Variants in TNFRSF10B observed in about 807,000 individuals in gnomAD.
TNFRSF10B encodes tumor necrosis factor receptor superfamily member 10B.
Under a neutral mutation model 41.4 loss-of-function variants are expected in TNFRSF10B, and 35 were observed. The observed-to-expected ratio is 0.85, with a 90% CI of 0.65 to 1.12. The LOEUF is 1.12. TNFRSF10B is among the 50% of genes most tolerant of loss of function. The pLI is 0.00. For missense variants in TNFRSF10B, 584 were observed against 552.7 expected (o/e 1.06, Z -0.57); for synonymous variants, 230 against 215.5 (o/e 1.07, Z -0.59).
At chr8:23,054,048 T>C (rs1442560375) in intron 1 of TNFRSF10B, among the ~76,000 whole-genome samples, 1 of 152,240 alleles carries the variant, frequency 6.6e-6, no homozygotes, top group Admixed American at 6.5e-5. Context: ...AAACCTTTTG[T>C]CCTCCATAAA....
chr8:23,050,512 T>C (rs1328095759), intron 1 of TNFRSF10B, among the ~76,000 whole-genome samples: 1 of 152,190 alleles, frequency 6.6e-6, no homozygotes, highest in Non-Finnish European at 1.5e-5. Flanking sequence ...TTCGTGTTTT[T>C]GGTTTTATTT....
intron 1 of TNFRSF10B, chr8:23,050,054 A>C (rs1304673493): frequency 1.3e-5 from 2 of 152,220 alleles, no homozygotes; most frequent in African/African-American, 4.8e-5. Flanking sequence ...TCTACTGGGG[A>C]AGAACAGAGA....
intron 2 of TNFRSF10B, among the ~76,000 whole-genome samples, chr8:23,036,115 C>G (rs1812023781): frequency 6.6e-6 from 1 of 152,180 alleles, no homozygotes; most frequent in Non-Finnish European, 1.5e-5. Flanking sequence ...TGAGAAACAG[C>G]TCTTGGCTTG....
chr8:23,038,114 A>G (rs1200410820), intron 2 of TNFRSF10B, among the ~76,000 whole-genome samples: 1 of 152,232 alleles, frequency 6.6e-6, no homozygotes, highest in African/African-American at 2.4e-5. Context: ...CAAAGGGGAA[A>G]TTGAAGGGAA....
intron 1 of TNFRSF10B, among the ~76,000 whole-genome samples, chr8:23,055,026 T>C (rs141833247): frequency 0.012 from 1,808 of 152,342 alleles, 15 homozygotes; most frequent in Non-Finnish European, 0.02. Context: ...TGTTAAATTC[T>C]AGTCTTCCTC....
At chr8:23,049,088 A>C (rs2128817655) in intron 1 of TNFRSF10B, among the ~76,000 whole-genome samples, 1 of 152,342 alleles carries the variant, frequency 6.6e-6, no homozygotes, top group Middle Eastern at 3.4e-3. Context: ...AGGTGTGAAG[A>C]AACTGGAACC....
chr8:23,021,767 C>A lies in TNFRSF10B; in HGVS notation c.*904G>T. 1 of 454,108 alleles carries A rather than the reference C, an allele frequency of 2.2e-6. No individual in the cohort carries two copies. The highest frequency in any genetic ancestry group is 4.4e-6 in the Non-Finnish European group (1 of 226,798). The allele number at this position is 454,108 out of a possible 1,614,324, so 28.1% of individuals were successfully genotyped here. ...AAAAGACTGGCCCCTGTAGAAGTTG[C>A]CAATCATTGAAGCCAAAGTACATCT... On this transcript the variant is annotated 3_prime_UTR_variant, in exon 9 of 9. Transcript: ENST00000276431.
chr8:23,059,803 C>T (rs1032185694), intron 1 of TNFRSF10B, among the ~76,000 whole-genome samples: 7 of 152,188 alleles, frequency 4.6e-5, no homozygotes, highest in Non-Finnish European at 8.8e-5. Context: ...TGAGCCACCG[C>T]ACCCGGCCTG....
intron 7 of TNFRSF10B, among the ~76,000 whole-genome samples, chr8:23,025,316 A>G (rs1440399804): frequency 6.6e-6 from 1 of 152,198 alleles, no homozygotes; most frequent in African/African-American, 2.4e-5. Context: ...GACTTGAAAT[A>G]TTATCTTCTT....
At chr8:23,051,576 G>T (rs528372536) in intron 1 of TNFRSF10B, among the ~76,000 whole-genome samples, 2 of 147,354 alleles carry the variant, frequency 1.4e-5, no homozygotes, top group Non-Finnish European at 3.0e-5. Flanking sequence ...ATGGAGTCTC[G>T]CTCTGTCGCC....
intron 1 of TNFRSF10B, among the ~76,000 whole-genome samples, chr8:23,059,967 G>A (rs1812785655): frequency 6.6e-6 from 1 of 152,160 alleles, no homozygotes; most frequent in Admixed American, 6.5e-5. Flanking sequence ...ATAAAAATCA[G>A]TTGCCCATTT....
Position 23,069,012 on chromosome 8 carries a change from C to T in TNFRSF10B, c.-118G>A, listed in dbSNP as rs1173261442. 3.3e-6 allele frequency: 5 copies of T among 1,523,152 alleles called. No individual in the cohort carries two copies. The African/African-American group carries it at 6.8e-5, about 21-fold the overall frequency. 94.4% of individuals were successfully genotyped at this position (1,523,152 alleles called of 1,614,324 possible). On this transcript the variant is annotated 5_prime_UTR_variant, in exon 1 of 9. Transcript: ENST00000276431. ...GATTGCGGGGTTCTCCGGCCGCGTGCTGATTTATGTGTCCAGGCTGACTTG... is the reference window on the plus strand; with the variant it reads ...GATTGCGGGGTTCTCCGGCCGCGTGTTGATTTATGTGTCCAGGCTGACTTG...
chr8:23,062,236 T>C (rs985347968), intron 1 of TNFRSF10B, among the ~76,000 whole-genome samples: 1 of 152,162 alleles, frequency 6.6e-6, no homozygotes, highest in Non-Finnish European at 1.5e-5. Context: ...TCTTTCTTTC[T>C]TTGAGACAGA....
At chr8:23,052,258 A>G (rs976306040) in intron 1 of TNFRSF10B, among the ~76,000 whole-genome samples, 5 of 151,748 alleles carry the variant, frequency 3.3e-5, no homozygotes, top group Non-Finnish European at 5.9e-5. Context: ...CATTCTTTCT[A>G]AAGATTGTGT....
At chr8:23,028,303 T>G (rs774435764) in intron 5 of TNFRSF10B, 28 bp downstream of exon 5, 2 of 1,613,434 alleles carry the variant, frequency 1.2e-6, no homozygotes, top group South Asian at 2.2e-5. Context: ...GAGAGTGCCC[T>G]GTGCCCCCGC....
At chr8:23,032,911 A>G (rs930237974) in intron 2 of TNFRSF10B, among the ~76,000 whole-genome samples, 7 of 152,236 alleles carry the variant, frequency 4.6e-5, no homozygotes, top group Admixed American at 4.6e-4. Context: ...ACACTGAGAC[A>G]CATTATAGTC....
chr8:23,023,750 G>A (rs879716012), intron 8 of TNFRSF10B, among the ~76,000 whole-genome samples: 11 of 152,184 alleles, frequency 7.2e-5, no homozygotes, highest in Non-Finnish European at 1.0e-4. Flanking sequence ...AATTATGAGT[G>A]AAATATTTTC....
At chr8:23,058,020 G>A (rs1307247983) in intron 1 of TNFRSF10B, among the ~76,000 whole-genome samples, 1 of 152,146 alleles carries the variant, frequency 6.6e-6, no homozygotes, top group Non-Finnish European at 1.5e-5. Flanking sequence ...GCCGAGGCGG[G>A]CAGATCACCT....
chr8:23,034,363 A>C (rs995887206), intron 2 of TNFRSF10B, among the ~76,000 whole-genome samples: 2 of 152,196 alleles, frequency 1.3e-5, no homozygotes, highest in African/African-American at 4.8e-5. Flanking sequence ...TGTGAAGTGA[A>C]GACTATTATG....
Sources: allele counts gnomAD v4.1 joint callset (sites outside exome capture counted in the v4.1 genomes callset), GRCh38; gene constraint gnomAD v4.1.1; transcripts MANE v1.5; gene names NCBI Gene and HGNC (gene_info 2026-07-23, HGNC 2026-07-21).